CDH4: variants seen among roughly 807,000 people sequenced by gnomAD.
CDH4 encodes the protein cadherin-4.
Under a neutral mutation model 86.0 loss-of-function variants are expected in CDH4, and 33 were observed. That is an observed-to-expected ratio of 0.38 (90% confidence interval 0.29 to 0.51). The LOEUF is 0.51. Among genes scored for constraint, CDH4 ranks in the 20% least tolerant of loss-of-function variants. CDH4 has a pLI of 0.86. For missense variants in CDH4, 1,114 were observed against 1,307.4 expected (o/e 0.85, Z 2.28); for synonymous variants, 555 against 549.4 (o/e 1.01, Z -0.14).
At chr20:61,907,798 C>A (rs969260691) in intron 8 of CDH4, among the ~76,000 whole-genome samples, 1 of 152,160 alleles carries the variant, frequency 6.6e-6, no homozygotes, top group African/African-American at 2.4e-5. Context: ...CACTAGACAT[C>A]GGGAGTGGTG....
chr20:61,442,757 G>A (rs1568846578), intron 2 of CDH4, among the ~76,000 whole-genome samples: 1 of 152,232 alleles, frequency 6.6e-6, no homozygotes, highest in Non-Finnish European at 1.5e-5. Flanking sequence ...AAGCGGCAAA[G>A]AAGAATTTTA....
intron 4 of CDH4, among the ~76,000 whole-genome samples, chr20:61,790,023 G>A (rs11907516): frequency 0.33 from 50,840 of 151,936 alleles, 8,618 homozygotes; most frequent in African/African-American, 0.38. Flanking sequence ...TATATCCACA[G>A]TCTATTACAT....
At chr20:61,332,466 A>T (rs1204375001) in intron 2 of CDH4, among the ~76,000 whole-genome samples, 3 of 152,176 alleles carry the variant, frequency 2.0e-5, no homozygotes, top group Non-Finnish European at 4.4e-5. Flanking sequence ...CTCTCAGAAG[A>T]GGGCTTAGGT....
intron 2 of CDH4, among the ~76,000 whole-genome samples, chr20:61,380,753 C>A (rs1233566460): frequency 1.3e-5 from 2 of 152,168 alleles, no homozygotes; most frequent in African/African-American, 4.8e-5. Context: ...ACTTGGAGAT[C>A]TTTCATGATG....
rs931856805 is a variant in CDH4, at chr20:61,252,630, C to T, written c.57+60C>T. ...GCCCCGGGCAGCGGGAGGTCGTCCC[C>T]GGATCCCGCGGGGCGCTCACACACC... On this transcript the variant is annotated intron_variant, in intron 1 of 15. Coordinates refer to ENST00000614565, the MANE Select transcript of CDH4 (RefSeq NM_001794.5). The surrounding 1 kb of genome is among the most constrained non-coding windows in gnomAD (Gnocchi z 4.4). 26 of 1,034,834 alleles carry T rather than the reference C, an allele frequency of 2.5e-5. No homozygotes were observed. The highest frequency in any genetic ancestry group is 3.4e-5 in the African/African-American group (2 of 59,480). The allele number at this position is 1,034,834 out of a possible 1,614,324, so 64.1% of individuals were successfully genotyped here. A position where few individuals can be genotyped will look rare whatever the true frequency, so the allele number is the denominator to read the frequency against.
Position 61,939,537 on chromosome 20 carries a change from G to GAGAA in CDH4, c.*2598_*2601dup, listed in dbSNP as rs896736899. 1.3e-5 allele frequency: 2 copies of GAGAA among 152,608 alleles called. No homozygotes were observed. The highest frequency in any genetic ancestry group is 4.8e-5 in the African/African-American group (2 of 41,604). 9.5% of individuals were successfully genotyped at this position (152,608 alleles called of 1,614,324 possible). ...CACCCTGGTGAGCCCCTGGGGGCCA[G>GAGAA]AGAAAGATGGGGTTCCTGCACCTTC... On this transcript the variant is annotated 3_prime_UTR_variant, in exon 16 of 16. Transcript: ENST00000614565.
chr20:61,741,976 ATC>A (rs1342637253), intron 2 of CDH4, among the ~76,000 whole-genome samples: 6 of 152,176 alleles, frequency 3.9e-5, no homozygotes, highest in African/African-American at 1.4e-4. Context: ...GTTTGTGCTC[ATC>A]TCTCAGCAAT....
At chr20:61,638,030 TA>T (rs10664878) in intron 2 of CDH4, among the ~76,000 whole-genome samples, 1 of 141,420 alleles carries the variant, frequency 7.1e-6, no homozygotes, top group African/African-American at 2.7e-5. Flanking sequence ...AAACTCCGTC[TA>T]AAAAAAAAAT....
intron 2 of CDH4, among the ~76,000 whole-genome samples, chr20:61,311,321 A>G (rs2084444486): frequency 6.6e-6 from 1 of 152,200 alleles, no homozygotes; most frequent in African/African-American, 2.4e-5. Context: ...ATCTGACTCA[A>G]TAAATATTTT....
rs1343258124 is a variant in CDH4 at position 61,727,594 on chromosome 20, T to C, written c.170-15969T>C. On this transcript the variant is annotated intron_variant, in intron 2 of 15. Coordinates refer to ENST00000614565, the MANE Select transcript of CDH4 (RefSeq NM_001794.5). ...GGTTCTGCAGGCTACACAGGAAGTATGGCATGGGCATCTGCTTCTGGCGAG... is the reference window on the plus strand; with the variant it reads ...GGTTCTGCAGGCTACACAGGAAGTACGGCATGGGCATCTGCTTCTGGCGAG... Among the ~76,000 whole-genome samples the C allele has an allele frequency of 2.6e-5, 4 of 152,276 alleles. No homozygotes were observed. The East Asian group carries it at 5.8e-4, about 22-fold the overall frequency.
At chr20:61,645,032 A>T (rs540114913) in intron 2 of CDH4, among the ~76,000 whole-genome samples, 100 of 152,176 alleles carry the variant, frequency 6.6e-4, no homozygotes, top group Non-Finnish European at 1.0e-3. Context: ...GTCTCTTCTT[A>T]CAAGGTCACT....
intron 4 of CDH4, among the ~76,000 whole-genome samples, chr20:61,779,099 G>A (rs1463837485): frequency 1.3e-4 from 20 of 152,322 alleles, no homozygotes; most frequent in Admixed American, 5.2e-4. Flanking sequence ...TACACGTTAG[G>A]TTTGACTCCT....
intron 2 of CDH4, among the ~76,000 whole-genome samples, chr20:61,353,755 T>C (rs1032458409): frequency 7.5e-6 from 1 of 133,484 alleles, no homozygotes; most frequent in Non-Finnish European, 1.6e-5. Flanking sequence ...TGCAGTACGA[T>C]GATTCACCCC....
At chr20:61,579,479 G>A (rs2086409390) in intron 2 of CDH4, among the ~76,000 whole-genome samples, 1 of 151,920 alleles carries the variant, frequency 6.6e-6, no homozygotes, top group African/African-American at 2.4e-5. Context: ...TAGAGGCAGG[G>A]TTTCGCCATG....
intron 3 of CDH4, among the ~76,000 whole-genome samples, chr20:61,768,527 G>A (rs1481798476): frequency 1.3e-5 from 2 of 152,112 alleles, no homozygotes; most frequent in African/African-American, 4.8e-5. Flanking sequence ...ACAGGCACCA[G>A]GGAAAATCAG....
rs1022573358 is a variant in CDH4, at chr20:61,802,232, C to G, written c.576+29050C>G. On this transcript the variant is annotated intron_variant, in intron 4 of 15. Coordinates refer to ENST00000614565, the MANE Select transcript of CDH4 (RefSeq NM_001794.5). ...AGCCCCAGAAAGGGCGCTACACACC[C>G]TGATCATGCTCTGTTCCCAGCAGAG... Among the ~76,000 whole-genome samples the G allele has an allele frequency of 2.6e-5, 4 of 152,246 alleles. No individual in the cohort carries two copies. The South Asian group carries it at 6.2e-4, about 24-fold the overall frequency.
intron 2 of CDH4, among the ~76,000 whole-genome samples, chr20:61,384,570 C>T (rs554021543): frequency 6.6e-6 from 1 of 152,242 alleles, no homozygotes; most frequent in Non-Finnish European, 1.5e-5. Context: ...CTCATCCCAC[C>T]CTCTGCGTCT....
intron 2 of CDH4, among the ~76,000 whole-genome samples, chr20:61,346,489 A>C (rs2123291518): frequency 6.6e-6 from 1 of 152,276 alleles, no homozygotes; most frequent in Non-Finnish European, 1.5e-5. Flanking sequence ...CACGCCTGTA[A>C]TCCCAGCACT....
At chr20:61,615,770 G>A (rs765742352) in intron 2 of CDH4, among the ~76,000 whole-genome samples, 28 of 152,340 alleles carry the variant, frequency 1.8e-4, no homozygotes, top group African/African-American at 6.3e-4. Flanking sequence ...ATAAAAGTGA[G>A]GGTAACTGAA....
Sources: allele counts gnomAD v4.1 joint callset (sites outside exome capture counted in the v4.1 genomes callset), GRCh38; gene constraint gnomAD v4.1.1; non-coding constraint Gnocchi (gnomAD v3.1); transcripts MANE v1.5; gene names NCBI Gene and HGNC (gene_info 2026-07-23, HGNC 2026-07-21).